Variants in XCR1 observed in about 807,000 individuals in gnomAD.
The protein encoded by XCR1 is chemokine XC receptor 1.
For synonymous variants in XCR1, 187 were observed against 188.5 expected, an observed-to-expected ratio of 0.99 and a Z score of 0.06; for missense variants, 356 against 424.2, an observed-to-expected ratio of 0.84 and a Z score of 1.41.
At chr3:46,071,931 A>G (rs535257086) in intron 3 of XCR1, among the ~76,000 whole-genome samples, 30 of 152,178 alleles carry the variant, frequency 2.0e-4, no homozygotes, top group African/African-American at 6.7e-4. Flanking sequence ...TACCACTCCT[A>G]TTTAACATAA....
At chr3:46,076,123 G>A (rs150325551) in intron 2 of XCR1, among the ~76,000 whole-genome samples, 7 of 152,288 alleles carry the variant, frequency 4.6e-5, no homozygotes, top group Non-Finnish European at 8.8e-5. Flanking sequence ...TTCCAACCCT[G>A]CCCCAAGTGA....
rs1708071141 is a variant in XCR1 at position 46,017,767 on chromosome 3, T to C, written c.*3179A>G. On this transcript the variant is annotated 3_prime_UTR_variant, in exon 2 of 2. Coordinates refer to ENST00000309285, the MANE Select transcript of XCR1 (RefSeq NM_001024644.2). ...ATGCTGTAGAACCACCGTGGGTTTTTTTATGTTCCAGGAGTGGTTAGAGGT... is the reference window on the plus strand; with the variant it reads ...ATGCTGTAGAACCACCGTGGGTTTTCTTATGTTCCAGGAGTGGTTAGAGGT... 6.6e-6 allele frequency: 1 copy of C among 152,214 alleles called. No homozygotes were observed. The highest frequency in any genetic ancestry group is 2.4e-5 in the African/African-American group (1 of 41,426). 9.4% of individuals were successfully genotyped at this position (152,214 alleles called of 1,614,324 possible). A position where few individuals can be genotyped will look rare whatever the true frequency, so the allele number is the denominator to read the frequency against.
chr3:46,069,815 CT>C (rs1698136519), intron 3 of XCR1, among the ~76,000 whole-genome samples: 2 of 151,172 alleles, frequency 1.3e-5, no homozygotes. Flanking sequence ...CTGCTCTCAT[CT>C]TTATTTCTTT....
chr3:46,084,449 T>C (rs1255191168), intron 1 of XCR1, among the ~76,000 whole-genome samples: 1 of 152,238 alleles, frequency 6.6e-6, no homozygotes, highest in Non-Finnish European at 1.5e-5. Context: ...TTGAAGCCAC[T>C]TGCTATGTGG....
chr3:46,054,314 T>C (rs1016878305), intron 4 of XCR1, among the ~76,000 whole-genome samples: 5 of 152,056 alleles, frequency 3.3e-5, no homozygotes. Flanking sequence ...CTCAAGGAGC[T>C]TGAGGCCAGG....
At position 46,021,972 on chromosome 3, in the gene XCR1, A is replaced by G. The variant is rs2125893006; in HGVS notation, c.-25T>C. ...TCTGGACCAGATGGCAGGGACGTTT[A>G]GAGCATCTGAAATGATAGAGACATG... On this transcript the variant is annotated 5_prime_UTR_variant, in exon 2 of 2. An upstream open reading frame in the 5' UTR loses its in-frame stop. Coordinates refer to ENST00000309285, the MANE Select transcript of XCR1 (RefSeq NM_001024644.2). This position sits in a 1 kb window ranked among gnomAD's most constrained non-coding sequence, Gnocchi z 4.7. 1 of 1,586,616 alleles carries G rather than the reference A, an allele frequency of 6.3e-7. No individual in the cohort carries two copies. Among genetic ancestry groups the G allele is most frequent in the Admixed American group, 1.8e-5 (1 of 56,980 alleles).
chr3:46,021,702 G>A lies in XCR1; in HGVS notation c.246C>T (p.Cys82=). Residue 82 remains cysteine, a synonymous_variant, in exon 2 of 2, where the codon TGC becomes TGT. Coordinates refer to ENST00000309285, the MANE Select transcript of XCR1 (RefSeq NM_001024644.2). This position sits in a 1 kb window ranked among gnomAD's most constrained non-coding sequence, Gnocchi z 4.7. ...ATGGGGAGATCCACACAGGCAACAA[G>A]CAGGCGAACACCAGGTCTGAGAGGC... ...NLCLSDLVFA[C]LLPVWISPYH... 1 of 1,614,134 alleles carries A rather than the reference G, an allele frequency of 6.2e-7. No individual in the cohort carries two copies. The highest frequency in any genetic ancestry group is 1.1e-5 in the South Asian group (1 of 91,076).
chr3:46,047,356 C>A (rs947349026), intron 5 of XCR1, among the ~76,000 whole-genome samples: 1 of 152,104 alleles, frequency 6.6e-6, no homozygotes, highest in Non-Finnish European at 1.5e-5. Flanking sequence ...GGGATGCAAC[C>A]TAAAATCATC....
chr3:46,052,849 GGTTTCTTGCGACCCTT>G (rs1221439638), intron 5 of XCR1, among the ~76,000 whole-genome samples: 1 of 152,182 alleles, frequency 6.6e-6, no homozygotes, highest in African/African-American at 2.4e-5. Context: ...ATTGTGCCTA[GGTTTCTTGCGACCCTT>G]GCGTGATATG....
intron 5 of XCR1, among the ~76,000 whole-genome samples, chr3:46,042,966 T>A (rs1697561694): frequency 6.6e-6 from 1 of 152,204 alleles, no homozygotes. Flanking sequence ...AAAAGAGCTA[T>A]ATACTTGGAT....
At chr3:46,049,293 T>C (rs1201722964) in intron 5 of XCR1, among the ~76,000 whole-genome samples, 2 of 152,158 alleles carry the variant, frequency 1.3e-5, no homozygotes. Flanking sequence ...AATATGCCTG[T>C]GAGATAAATG....
At chr3:46,058,503 G>A (rs1009549713) in intron 4 of XCR1, among the ~76,000 whole-genome samples, 1 of 152,190 alleles carries the variant, frequency 6.6e-6, no homozygotes, top group Non-Finnish European at 1.5e-5. Flanking sequence ...CCTGCAAGTG[G>A]CTGTATTACA....
At chr3:46,060,262 C>G (rs1697935093) in intron 4 of XCR1, among the ~76,000 whole-genome samples, 1 of 152,168 alleles carries the variant, frequency 6.6e-6, no homozygotes, top group South Asian at 2.1e-4. Flanking sequence ...TGGTTCTTTG[C>G]TTGGTGGGTG....
chr3:46,017,959 A>C lies in XCR1; in HGVS notation c.*2987T>G, dbSNP rs147534227. ...CAGACAGCGTGGCTCATGGTGTGCAACTCTCTGGAAACTCCTTTTCAGCAG... is the reference window on the plus strand; with the variant it reads ...CAGACAGCGTGGCTCATGGTGTGCACCTCTCTGGAAACTCCTTTTCAGCAG... On this transcript the variant is annotated 3_prime_UTR_variant, in exon 2 of 2. Transcript: ENST00000309285. 1 of 151,788 alleles carries C rather than the reference A, an allele frequency of 6.6e-6. No homozygotes were observed. Among genetic ancestry groups the C allele is most frequent in the Non-Finnish European group, 1.5e-5 (1 of 67,980 alleles). The allele number at this position is 151,788 out of a possible 1,614,324, so 9.4% of individuals were successfully genotyped here.
At chr3:46,024,694 G>C (rs1417134183) in intron 1 of XCR1, among the ~76,000 whole-genome samples, 1 of 152,070 alleles carries the variant, frequency 6.6e-6, no homozygotes, top group Non-Finnish European at 1.5e-5. Context: ...TTAGTTGTAA[G>C]ATATACACCT....
intron 5 of XCR1, among the ~76,000 whole-genome samples, chr3:46,037,891 G>C (rs1390947714): frequency 1.3e-5 from 2 of 152,114 alleles, no homozygotes; most frequent in Non-Finnish European, 2.9e-5. Context: ...GATAGTACTG[G>C]TACTAAGGTA....
At chr3:46,082,733 T>C (rs11917890) in intron 1 of XCR1, among the ~76,000 whole-genome samples, 51,544 of 151,710 alleles carry the variant, frequency 0.34, 10,720 homozygotes, top group East Asian at 0.67. Context: ...TAAGTAATTC[T>C]CCCACCTCGG....
chr3:46,069,260 A>C (rs912157944), intron 3 of XCR1, among the ~76,000 whole-genome samples: 10 of 152,170 alleles, frequency 6.6e-5, no homozygotes, highest in Non-Finnish European at 2.9e-5. Context: ...ATAAGGAGCA[A>C]AATTAATAAA....
chr3:46,056,251 C>A (rs186217271), intron 4 of XCR1, among the ~76,000 whole-genome samples: 35 of 152,208 alleles, frequency 2.3e-4, no homozygotes, highest in African/African-American at 7.9e-4. Flanking sequence ...CCATGTTGGC[C>A]AGGCTGGCCT....
Sources: gnomAD v4.1 joint callset for allele counts (sites outside exome capture counted in the v4.1 genomes callset) on GRCh38, gnomAD v4.1.1 for gene constraint, Gnocchi (gnomAD v3.1) non-coding constraint, MANE v1.5 for transcripts, NCBI Gene and HGNC (gene_info 2026-07-23, HGNC 2026-07-21) for gene names.